The following THSD7B variants were observed in gnomAD, a reference collection of about 807,000 sequenced individuals.
THSD7B encodes thrombospondin type-1 domain-containing protein 7B.
A neutral mutation model predicts 213.6 loss-of-function variants in THSD7B; 138 were observed. That is an observed-to-expected ratio of 0.65 (90% CI 0.56 to 0.74). The LOEUF (loss-of-function observed/expected upper bound fraction) is 0.74. Among genes scored for constraint, THSD7B ranks in the 30% least tolerant of loss-of-function variants. The probability of loss-of-function intolerance (pLI) is 0.00; values close to 1 mark genes in which losing one functional copy is unlikely to be tolerated. For missense variants in THSD7B, 1,931 were observed against 1,991.5 expected (o/e 0.97, Z 0.58); for synonymous variants, 742 against 687.0 (o/e 1.08, Z -1.25).
intron 9 of THSD7B, among the ~76,000 whole-genome samples, chr2:137,242,178 T>C (rs1681923437): frequency 6.6e-6 from 1 of 152,212 alleles, no homozygotes; most frequent in Non-Finnish European, 1.5e-5. Context: ...GTGAGACACT[T>C]TCTTGGCACT....
chr2:136,842,679 T>C (rs1184647669), intron 1 of THSD7B, among the ~76,000 whole-genome samples: 1 of 152,180 alleles, frequency 6.6e-6, no homozygotes, highest in Non-Finnish European at 1.5e-5. Context: ...ACACTTTCAC[T>C]AAGGGAGCAA....
intron 2 of THSD7B, among the ~76,000 whole-genome samples, chr2:136,967,040 G>A (rs143452764): frequency 1.5e-3 from 232 of 152,070 alleles, no homozygotes; most frequent in Non-Finnish European, 2.3e-3. Flanking sequence ...CAGCTAAATT[G>A]TAAGCTTCCT....
chr2:137,602,391 T>G (rs1185399254), intron 17 of THSD7B, among the ~76,000 whole-genome samples: 1 of 152,040 alleles, frequency 6.6e-6, no homozygotes, highest in African/African-American at 2.4e-5. Context: ...TGCCTCAGCC[T>G]CCTAAGTAGG....
intron 1 of THSD7B, among the ~76,000 whole-genome samples, chr2:136,804,853 C>A (rs1244957226): frequency 1.3e-5 from 2 of 152,120 alleles, no homozygotes; most frequent in African/African-American, 4.8e-5. Flanking sequence ...TTTCTTCAGG[C>A]CTTGGAGTCA....
rs192477966 is a variant in THSD7B at position 137,626,619 on chromosome 2, G to C, written c.3799+5893G>C. ...CTTATATTCCTTTCCTGAAGATACT[G>C]TTTCATTCTCTACCAAATGGCCATG... On this transcript the variant is annotated intron_variant, in intron 20 of 27. Transcript: ENST00000409968. 5.1e-4 allele frequency among the ~76,000 whole-genome samples: 78 copies of C among 152,244 alleles called. 1 individual carries two copies. The highest frequency in any genetic ancestry group is 1.9e-3 in the African/African-American group (77 of 41,540).
chr2:137,514,399 T>C (rs188701200), intron 15 of THSD7B, among the ~76,000 whole-genome samples: 3 of 152,276 alleles, frequency 2.0e-5, no homozygotes, highest in Admixed American at 1.3e-4. Flanking sequence ...GCTGGATGCT[T>C]TCTGTCCTTG....
intron 2 of THSD7B, among the ~76,000 whole-genome samples, chr2:137,018,430 C>T (rs1686382546): frequency 2.0e-5 from 3 of 152,116 alleles, no homozygotes; most frequent in Admixed American, 2.0e-4. Flanking sequence ...TAAGAATAAA[C>T]TGAGATAATC....
chr2:137,282,953 T>C (rs1301019419), intron 12 of THSD7B, among the ~76,000 whole-genome samples: 1 of 152,234 alleles, frequency 6.6e-6, no homozygotes, highest in Non-Finnish European at 1.5e-5. Flanking sequence ...AAGTCATTGG[T>C]AGCTTGATGG....
At chr2:137,559,979 A>G (rs572454096) in intron 15 of THSD7B, among the ~76,000 whole-genome samples, 11 of 152,348 alleles carry the variant, frequency 7.2e-5, no homozygotes, top group African/African-American at 2.6e-4. Context: ...ATCACTGGCC[A>G]TCAGAGAAAT....
intron 1 of THSD7B, among the ~76,000 whole-genome samples, chr2:136,775,309 T>A (rs928851664): frequency 6.6e-6 from 1 of 152,148 alleles, no homozygotes; most frequent in Non-Finnish European, 1.5e-5. Context: ...ACCATCTATA[T>A]AAAATTTGCA....
chr2:137,455,981 A>G (rs1453299), intron 15 of THSD7B, among the ~76,000 whole-genome samples: 146,915 of 152,270 alleles, frequency 0.96, 71,075 homozygotes, highest in Non-Finnish European at 1. Context: ...TTTATTAATT[A>G]CAAAGCACAT....
chr2:136,772,300 A>G (rs1681522945), intron 1 of THSD7B, among the ~76,000 whole-genome samples: 1 of 152,170 alleles, frequency 6.6e-6, no homozygotes, highest in South Asian at 2.1e-4. Context: ...GAGATGACTG[A>G]CAGGAAGAAT....
In THSD7B at chr2:136,833,252, C is replaced by G. The variant is rs181447114; in HGVS notation, c.-35-48892C>G. 2.7e-5 allele frequency among the ~76,000 whole-genome samples: 4 copies of G among 149,092 alleles called. No individual in the cohort carries two copies. In the East Asian group the frequency reaches 8.2e-4, roughly 31 times the overall value. ...TGGTGGCGGGTGCCTGTAGTCCCAG[C>G]TACTCGGGAGGCTGAGGCAGGAGAA... On this transcript the variant is annotated intron_variant, in intron 1 of 27. Coordinates refer to ENST00000409968, the MANE Select transcript of THSD7B (RefSeq NM_001316349.2).
chr2:137,015,884 C>A (rs1686330535), intron 2 of THSD7B, among the ~76,000 whole-genome samples: 2 of 152,070 alleles, frequency 1.3e-5, no homozygotes, highest in Admixed American at 1.3e-4. Flanking sequence ...GCTCAGTTCC[C>A]CTTTCCTCGA....
chr2:136,957,054 G>A (rs1685139031), intron 2 of THSD7B, among the ~76,000 whole-genome samples: 2 of 152,050 alleles, frequency 1.3e-5, no homozygotes, highest in Non-Finnish European at 2.9e-5. Flanking sequence ...CCCTTCCACT[G>A]GTGACAGTGG....
At chr2:137,206,972 TGATCAGGTGAGGCTTGTGGAAGGTTTTC>T (rs1680997620) in intron 7 of THSD7B, among the ~76,000 whole-genome samples, 2 of 152,074 alleles carry the variant, frequency 1.3e-5, no homozygotes, top group East Asian at 3.9e-4. Flanking sequence ...AGGGTGTAAT[TGATCAGGTGAGGCTTGTGGAAGGTTTTC>T]ACTGTTTTTC....
chr2:137,512,123 T>C (rs1306670430), intron 15 of THSD7B: 1 of 152,110 alleles, frequency 6.6e-6, no homozygotes, highest in African/African-American at 2.4e-5. Context: ...ATTTTAAACT[T>C]TTCTCCCATC....
chr2:137,081,847 C>A (rs1266237094), intron 3 of THSD7B, among the ~76,000 whole-genome samples: 2 of 152,030 alleles, frequency 1.3e-5, no homozygotes, highest in Admixed American at 1.3e-4. Context: ...GTTGTTTCTG[C>A]CCTCTTTTGT....
chr2:136,895,309 C>G (rs1683936352), intron 2 of THSD7B, among the ~76,000 whole-genome samples: 1 of 151,888 alleles, frequency 6.6e-6, no homozygotes, highest in Non-Finnish European at 1.5e-5. Context: ...TGCCCAGTGC[C>G]CTTTTATGAC....
Sources: allele counts gnomAD v4.1 joint callset (sites outside exome capture counted in the v4.1 genomes callset), GRCh38; gene constraint gnomAD v4.1.1; transcripts MANE v1.5; gene names NCBI Gene and HGNC (gene_info 2026-07-23, HGNC 2026-07-21).